ARPP21: variants seen among roughly 807,000 people sequenced by gnomAD.
The protein encoded by ARPP21 is cAMP regulated phosphoprotein 21.
ARPP21 carries 69 observed loss-of-function variants against 113.2 expected under a neutral mutation model. That is an observed-to-expected ratio of 0.61 (90% CI 0.50 to 0.74). ARPP21 has a LOEUF of 0.74. Among genes scored for constraint, ARPP21 ranks in the 30% least tolerant of loss-of-function variants. The pLI, the probability that ARPP21 is intolerant of heterozygous loss-of-function variation, is 0.00. For synonymous variants in ARPP21, 368 were observed against 375.5 expected (o/e 0.98, Z 0.23); for missense variants, 1,070 against 1,037.4 (o/e 1.03, Z -0.43).
At chr3:35,751,904 G>C (rs1353805727) in intron 19 of ARPP21, among the ~76,000 whole-genome samples, 2 of 152,088 alleles carry the variant, frequency 1.3e-5, no homozygotes, top group Non-Finnish European at 2.9e-5. Context: ...CCTGCAAGTT[G>C]TAAAGAGAGC....
At position 35,779,844 on chromosome 3, in the gene ARPP21, A is replaced by C. The variant is rs531281516; in HGVS notation, c.2138-12538A>C. 2.6e-5 allele frequency among the ~76,000 whole-genome samples: 4 copies of C among 151,558 alleles called. No individual in the cohort carries two copies. In the East Asian group the frequency reaches 7.8e-4, roughly 30 times the overall value. ...GATGCCTTTTTCCCTCCCTTTTCTC[A>C]CTCCTCCTTTTAGTCCCTTTCCATA... is the stretch of plus-strand genomic sequence containing the variant. On this transcript the variant is annotated intron_variant, in intron 19 of 20. Coordinates refer to ENST00000684406, the MANE Select transcript of ARPP21 (RefSeq NM_001385562.1).
intron 19 of ARPP21, among the ~76,000 whole-genome samples, chr3:35,789,377 C>T (rs1577069597): frequency 6.6e-6 from 1 of 152,322 alleles, no homozygotes; most frequent in East Asian, 1.9e-4. Context: ...TTCTGCTCTA[C>T]CTTCTGTGAC....
chr3:35,793,844 C>A lies in ARPP21; in HGVS notation c.2430C>A (p.Asn810Lys), dbSNP rs2096794496. The A allele has an allele frequency of 6.2e-7, 1 of 1,614,218 alleles. No homozygotes were observed. The highest frequency in any genetic ancestry group is 8.5e-7 in the Non-Finnish European group (1 of 1,180,032). The change falls in exon 21 of 21, where the codon AAC becomes AAA. Residue 810 changes from asparagine (N) to lysine (K), a missense_variant. Physicochemically the swap from Asn to Lys is moderately conservative, Grantham distance 94. Coordinates refer to ENST00000684406, the MANE Select transcript of ARPP21 (RefSeq NM_001385562.1). ...ATGTCACACCGCCCACCCCTCAGAA[C>A]AACCTTAGGCTGATTGGCCCACACT... ...YCNVTPPTPQ[N>K]NLRLIGPHCP...
chr3:35,791,238 A>G (rs549887141), intron 19 of ARPP21, among the ~76,000 whole-genome samples: 1 of 152,332 alleles, frequency 6.6e-6, no homozygotes, highest in South Asian at 2.1e-4. Context: ...TGAATGATGC[A>G]TGTTGATTAG....
At chr3:35,657,015 C>A (rs1705280238) in intron 1 of ARPP21, among the ~76,000 whole-genome samples, 1 of 151,930 alleles carries the variant, frequency 6.6e-6, no homozygotes, top group Non-Finnish European at 1.5e-5. Context: ...GGCAGAGATC[C>A]TAGGCAAATT....
chr3:35,776,464 T>C (rs2151627586), intron 19 of ARPP21, among the ~76,000 whole-genome samples: 1 of 152,246 alleles, frequency 6.6e-6, no homozygotes, highest in East Asian at 1.9e-4. Context: ...TGTCTTATCT[T>C]TGATGCAATG....
At chr3:35,753,271 A>G (rs755088682) in intron 19 of ARPP21, among the ~76,000 whole-genome samples, 1 of 152,052 alleles carries the variant, frequency 6.6e-6, no homozygotes, top group Non-Finnish European at 1.5e-5. Context: ...GAAATAGAAT[A>G]GAATGACAGC....
At chr3:35,652,059 A>G (rs1702608027) in intron 1 of ARPP21, 2 of 152,100 alleles carry the variant, frequency 1.3e-5, no homozygotes, top group Admixed American at 6.6e-5. Flanking sequence ...TGGGCAGTAG[A>G]GACTTTGAAA....
intron 19 of ARPP21, among the ~76,000 whole-genome samples, chr3:35,769,027 T>C (rs1257887589): frequency 6.6e-6 from 1 of 152,190 alleles, no homozygotes; most frequent in Non-Finnish European, 1.5e-5. Context: ...TGAAGAAATT[T>C]CTTTCTCTCT....
intron 19 of ARPP21, among the ~76,000 whole-genome samples, chr3:35,754,338 G>A (rs1473135996): frequency 1.3e-5 from 2 of 151,874 alleles, no homozygotes; most frequent in African/African-American, 4.8e-5. Flanking sequence ...CAGCTCTGAG[G>A]ACATGATTTA....
intron 1 of ARPP21, among the ~76,000 whole-genome samples, chr3:35,667,960 GAAGAA>G (rs1559549014): frequency 1.7e-5 from 1 of 59,002 alleles, no homozygotes; most frequent in Non-Finnish European, 3.6e-5. Flanking sequence ...AGAAGAAGAA[GAAGAA>G]GAAGAAGAAG....
intron 9 of ARPP21, among the ~76,000 whole-genome samples, chr3:35,691,423 A>G (rs545397797): frequency 1.5e-4 from 23 of 151,736 alleles, no homozygotes; most frequent in African/African-American, 4.8e-4. Flanking sequence ...ATCTTATTGT[A>G]GTTTCTGGAG....
At position 35,687,736 on chromosome 3, in the gene ARPP21, C is replaced by A; in HGVS notation, c.262-3C>A. On this transcript the variant is annotated splice_region_variant and splice_polypyrimidine_tract_variant and intron_variant, in intron 5 of 20. Coordinates refer to ENST00000684406, the MANE Select transcript of ARPP21 (RefSeq NM_001385562.1). ...CTAAATTATTATATTTTTTCCCCAA[C>A]AGGAATCAATTCATTTACAGCTTTC... 5.0e-6 allele frequency: 8 copies of A among 1,596,960 alleles called. No homozygotes were observed. The highest frequency in any genetic ancestry group is 6.8e-6 in the Non-Finnish European group (8 of 1,173,700).
In ARPP21 at chr3:35,729,535, A is replaced by G. The variant is rs1194069330; in HGVS notation, c.1458A>G (p.Thr486=). ...PPGSILLNPH[T]GQPFVNPDGT... is the part of the protein sequence containing the mutation. Reference sequence around the variant, plus strand: ...GAAGCATCCTTCTTAATCCACACACAGGTGAGTTACTACCTGCTTTATCAG... The same window carrying G: ...GAAGCATCCTTCTTAATCCACACACGGGTGAGTTACTACCTGCTTTATCAG... The change falls in exon 15 of 21, where the codon ACA becomes ACG. Residue 486 remains threonine (T), a splice_region_variant and synonymous_variant. Transcript: ENST00000684406. 1.2e-6 allele frequency: 2 copies of G among 1,612,376 alleles called. No individual in the cohort carries two copies. The highest frequency in any genetic ancestry group is 2.2e-5 in the South Asian group (2 of 91,046).
At chr3:35,662,152 G>A (rs1451465506) in intron 1 of ARPP21, among the ~76,000 whole-genome samples, 1 of 152,102 alleles carries the variant, frequency 6.6e-6, no homozygotes, top group African/African-American at 2.4e-5. Flanking sequence ...AGTGTGTGTG[G>A]TTTATTTTTA....
At chr3:35,763,616 TC>T (rs2095855473) in intron 19 of ARPP21, among the ~76,000 whole-genome samples, 1 of 151,976 alleles carries the variant, frequency 6.6e-6, no homozygotes, top group South Asian at 2.1e-4. Flanking sequence ...CCCCTGAAAA[TC>T]CTTTAGCGGC....
chr3:35,700,569 C>T (rs972677614), intron 9 of ARPP21, among the ~76,000 whole-genome samples: 3 of 150,940 alleles, frequency 2.0e-5, no homozygotes, highest in African/African-American at 7.3e-5. Flanking sequence ...TTTATTACCA[C>T]TGATAAGAAA....
chr3:35,748,263 A>G (rs1158331844), intron 19 of ARPP21, among the ~76,000 whole-genome samples: 1 of 148,142 alleles, frequency 6.8e-6, no homozygotes, highest in Non-Finnish European at 1.5e-5. Context: ...AAGAGAAAGG[A>G]GAGAGAGAAA....
intron 19 of ARPP21, among the ~76,000 whole-genome samples, chr3:35,764,412 G>A (rs896164658): frequency 6.6e-6 from 1 of 152,076 alleles, no homozygotes; most frequent in Non-Finnish European, 1.5e-5. Flanking sequence ...TAAAGTGTGT[G>A]GCAAAAGATT....
Sources: gnomAD v4.1 joint callset for allele counts (sites outside exome capture counted in the v4.1 genomes callset) on GRCh38, gnomAD v4.1.1 for gene constraint, MANE v1.5 for transcripts, NCBI Gene and HGNC (gene_info 2026-07-23, HGNC 2026-07-21) for gene names.